Variants in IFT57 observed in about 807,000 individuals in gnomAD.
IFT57 encodes intraflagellar transport protein 57 homolog.
In IFT57, 59 loss-of-function variants were observed where a neutral mutation model predicts 56.8. The observed-to-expected ratio is 1.04, with a 90% CI of 0.84 to 1.29. IFT57 has a LOEUF of 1.29. Ranked by LOEUF, IFT57 falls within the 50% of genes most tolerant of loss-of-function variation. The probability of loss-of-function intolerance (pLI) is 0.00; values close to 1 mark genes in which losing one functional copy is unlikely to be tolerated. For missense variants in IFT57, 470 were observed against 522.1 expected (o/e 0.90, Z 0.97); for synonymous variants, 209 against 186.1 (o/e 1.12, Z -1.00).
intron 6 of IFT57, among the ~76,000 whole-genome samples, chr3:108,188,174 G>A (rs988184700): frequency 1.3e-5 from 2 of 152,118 alleles, no homozygotes; most frequent in African/African-American, 4.8e-5. Context: ...GTGAGGAGTG[G>A]AGAAGGAAAG....
At chr3:108,192,940 GA>G (rs34721656) in intron 5 of IFT57, among the ~76,000 whole-genome samples, 2 of 151,536 alleles carry the variant, frequency 1.3e-5, no homozygotes, top group Non-Finnish European at 2.9e-5. Context: ...ATGAGGCAAA[GA>G]AAAAAAGGGA....
At chr3:108,184,386 A>G (rs1453050227) in intron 6 of IFT57, among the ~76,000 whole-genome samples, 1 of 152,168 alleles carries the variant, frequency 6.6e-6, no homozygotes, top group African/African-American at 2.4e-5. Context: ...GAGATTTGCA[A>G]CAATTTGAAA....
At chr3:108,163,565 A>G (rs1440484879) in intron 10 of IFT57, 98 bp downstream of exon 10, 1 of 759,882 alleles carries the variant, frequency 1.3e-6, no homozygotes, top group Non-Finnish European at 2.2e-6. Flanking sequence ...AGCAACAAAT[A>G]ATTTGTTTTA....
intron 8 of IFT57, 51 bp from the exon 9 acceptor site, chr3:108,165,544 T>G: frequency 7.2e-7 from 1 of 1,394,178 alleles, no homozygotes; most frequent in Non-Finnish European, 1.0e-6. Flanking sequence ...AGCAGCAGAT[T>G]AAATACGACT....
intron 5 of IFT57, among the ~76,000 whole-genome samples, chr3:108,200,877 G>A (rs1016381899): frequency 2.0e-5 from 3 of 152,170 alleles, no homozygotes; most frequent in South Asian, 2.1e-4. Context: ...GGGACTTTTT[G>A]TATTGAGAGA....
chr3:108,217,028 G>A (rs2080376777), intron 3 of IFT57, among the ~76,000 whole-genome samples: 1 of 152,030 alleles, frequency 6.6e-6, no homozygotes, highest in African/African-American at 2.4e-5. Context: ...ACAGCAGGGT[G>A]ACTACAGTTC....
In IFT57 at chr3:108,165,510, T is replaced by G; in HGVS notation, c.982-17A>C. ...CTCCTTTGCCTGAGAGGAAAAACATTTTGTTTAATGGCAAATTCAAAGCAG... is the reference window on the plus strand; with the variant it reads ...CTCCTTTGCCTGAGAGGAAAAACATGTTGTTTAATGGCAAATTCAAAGCAG... On this transcript the variant is annotated splice_polypyrimidine_tract_variant and intron_variant, in intron 8 of 10. Coordinates refer to ENST00000264538, the MANE Select transcript of IFT57 (RefSeq NM_018010.4). The G allele has an allele frequency of 6.2e-7, 1 of 1,607,598 alleles. No homozygotes were observed. The highest frequency in any genetic ancestry group is 1.1e-5 in the South Asian group (1 of 90,966).
At chr3:108,168,090 T>A (rs545148375) in intron 6 of IFT57, among the ~76,000 whole-genome samples, 20 of 152,122 alleles carry the variant, frequency 1.3e-4, no homozygotes, top group Admixed American at 1.2e-3. Context: ...CAGAGTGATG[T>A]CTGACAATTT....
intron 5 of IFT57, among the ~76,000 whole-genome samples, chr3:108,205,536 T>C (rs918266778): frequency 8.6e-5 from 13 of 151,418 alleles, no homozygotes; most frequent in Non-Finnish European, 1.5e-4. Context: ...TAAGGCAGTA[T>C]TGATGCCTTA....
intron 6 of IFT57, among the ~76,000 whole-genome samples, chr3:108,173,640 T>C (rs543301921): frequency 1.3e-5 from 2 of 151,754 alleles, no homozygotes; most frequent in Non-Finnish European, 2.9e-5. Context: ...TTGAATGTTG[T>C]ACAGAAATTG....
rs1206320947 is a variant in IFT57 at position 108,161,314 on chromosome 3, C to G, written c.*1163G>C. The G allele has an allele frequency of 6.6e-6, 1 of 151,298 alleles. No individual in the cohort carries two copies. Among genetic ancestry groups the G allele is most frequent in the Non-Finnish European group, 1.5e-5 (1 of 67,904 alleles). 9.4% of individuals were successfully genotyped at this position (151,298 alleles called of 1,614,324 possible). The stretch of plus-strand genomic sequence containing the variant: ...GTAGTTTACATACACTTTCTCCTGT[C>G]TAAACTTATCTTAAACTAAAGAGAG... On this transcript the variant is annotated 3_prime_UTR_variant, in exon 11 of 11. Transcript: ENST00000264538.
At chr3:108,172,762 G>A (rs138757639) in intron 6 of IFT57, among the ~76,000 whole-genome samples, 1 of 151,936 alleles carries the variant, frequency 6.6e-6, no homozygotes, top group Non-Finnish European at 1.5e-5. Flanking sequence ...CCAGCTTGAG[G>A]AACTGAGGGG....
At chr3:108,197,211 A>G (rs13325007) in intron 5 of IFT57, among the ~76,000 whole-genome samples, 14,747 of 152,262 alleles carry the variant, frequency 0.097, 770 homozygotes, top group East Asian at 0.12. Context: ...AATTAAATTA[A>G]TAAGCCATTT....
At chr3:108,192,199 G>GAAA (rs771487556) in intron 5 of IFT57, among the ~76,000 whole-genome samples, 1 of 139,274 alleles carries the variant, frequency 7.2e-6, no homozygotes, top group Non-Finnish European at 1.6e-5. Context: ...AAAAAAAAGG[G>GAAA]AAACACTTAA....
At chr3:108,180,518 G>A (rs1158835777) in intron 6 of IFT57, among the ~76,000 whole-genome samples, 1 of 151,802 alleles carries the variant, frequency 6.6e-6, no homozygotes, top group Non-Finnish European at 1.5e-5. Context: ...ATCAAAACTT[G>A]GATCTCATAC....
At chr3:108,192,624 A>C (rs937115302) in intron 5 of IFT57, among the ~76,000 whole-genome samples, 1 of 152,088 alleles carries the variant, frequency 6.6e-6, no homozygotes, top group Non-Finnish European at 1.5e-5. Flanking sequence ...AATAAATTAT[A>C]AGTAAATCTA....
chr3:108,205,480 TAATGAGGATTAATATCACTAAGGCATC>T (rs995935518), intron 5 of IFT57, among the ~76,000 whole-genome samples: 1 of 151,588 alleles, frequency 6.6e-6, no homozygotes, highest in African/African-American at 2.4e-5. Context: ...TAATAATAAC[TAATGAGGATTAATATCACTAAGGCATC>T]AATGAGGATT....
intron 6 of IFT57, among the ~76,000 whole-genome samples, chr3:108,174,646 A>G (rs1245974479): frequency 1.3e-5 from 2 of 151,792 alleles, no homozygotes; most frequent in African/African-American, 4.8e-5. Flanking sequence ...GCTGACCTTC[A>G]CTATGTGGTT....
At position 108,205,771 on chromosome 3, in the gene IFT57, AAAT is replaced by A. The variant is rs2080305906; in HGVS notation, c.654+854_654+856del. Among the ~76,000 whole-genome samples the A allele has an allele frequency of 2.1e-5, 3 of 142,854 alleles. No homozygotes were observed. In the South Asian group the frequency reaches 6.3e-4, roughly 30 times the overall value. The allele number at this position is 142,854 out of a possible 152,430, so 93.7% of individuals were successfully genotyped here. ...TATATAACATATTATATAATATATA[AAAT>A]ATTATAACATATTATATAATATACA... On this transcript the variant is annotated intron_variant, in intron 5 of 10. Coordinates refer to ENST00000264538, the MANE Select transcript of IFT57 (RefSeq NM_018010.4).
Sources: gnomAD v4.1 joint callset for allele counts (sites outside exome capture counted in the v4.1 genomes callset) on GRCh38, gnomAD v4.1.1 for gene constraint, MANE v1.5 for transcripts, NCBI Gene and HGNC (gene_info 2026-07-23, HGNC 2026-07-21) for gene names.